JMJD1C: variants seen among roughly 807,000 people sequenced by gnomAD.
JMJD1C encodes the protein jumonji domain-containing protein 1C.
A neutral mutation model predicts 245.3 loss-of-function variants in JMJD1C; 31 were observed. The observed-to-expected ratio is 0.13, with a 90% CI of 0.09 to 0.17. The LOEUF is 0.17. Ranked by LOEUF, JMJD1C falls within the 10% of genes least tolerant of loss-of-function variation. The pLI, the probability that JMJD1C is intolerant of heterozygous loss-of-function variation, is 1.00. For synonymous variants in JMJD1C, 1,057 were observed against 1,017.4 expected (o/e 1.04, Z -0.74); for missense variants, 2,691 against 3,000.2 (o/e 0.90, Z 2.41).
chr10:63,348,536 G>A (rs960408359), intron 2 of JMJD1C, among the ~76,000 whole-genome samples: 4 of 152,148 alleles, frequency 2.6e-5, no homozygotes, highest in East Asian at 1.9e-4. Flanking sequence ...TATGCAGGTC[G>A]CCTATCTCAT....
At chr10:63,237,953 A>C (rs1260276498) in intron 3 of JMJD1C, among the ~76,000 whole-genome samples, 2 of 148,992 alleles carry the variant, frequency 1.3e-5, no homozygotes, top group African/African-American at 2.5e-5. Flanking sequence ...AGCAGATCAC[A>C]AGGTCAAAAC....
chr10:63,375,155 G>C (rs190066165), intron 2 of JMJD1C, among the ~76,000 whole-genome samples: 4 of 148,920 alleles, frequency 2.7e-5, no homozygotes, highest in Admixed American at 2.7e-4. Context: ...CTAAGCAACA[G>C]GATATGAAAT....
intron 1 of JMJD1C, among the ~76,000 whole-genome samples, chr10:63,434,635 T>C (rs1950961665): frequency 6.6e-6 from 1 of 151,868 alleles, no homozygotes; most frequent in Admixed American, 6.6e-5. Flanking sequence ...CCTAGCACTT[T>C]GGGAGGCCAA....
intron 2 of JMJD1C, among the ~76,000 whole-genome samples, chr10:63,326,911 G>T (rs1377286470): frequency 2.0e-5 from 3 of 152,110 alleles, no homozygotes; most frequent in Non-Finnish European, 1.5e-5. Flanking sequence ...CAGGGGCTGG[G>T]CATGGTGGCT....
rs755118052 is a variant in JMJD1C at position 63,213,818 on chromosome 10, A to G, written c.2349T>C (p.Thr783=). 1 of 1,614,020 alleles carries G rather than the reference A, an allele frequency of 6.2e-7. No individual in the cohort carries two copies. The part of the protein sequence containing the change: ...PLPTINTHPL[T]SGPHHAVHHP... ...GATGAACAGCATGGTGTGGACCACT[A>G]GTCAGAGGATGAGTGTTAATGGTAG... Residue 783 remains threonine, a synonymous_variant, in exon 8 of 26, where the codon ACT becomes ACC. Coordinates refer to ENST00000399262, the MANE Select transcript of JMJD1C (RefSeq NM_032776.3).
chr10:63,313,349 G>A (rs1303344461), intron 2 of JMJD1C, among the ~76,000 whole-genome samples: 1 of 152,172 alleles, frequency 6.6e-6, no homozygotes, highest in Non-Finnish European at 1.5e-5. Context: ...CTTGATTGAT[G>A]AGCATTTGTG....
intron 5 of JMJD1C, 115 bp downstream of exon 5, chr10:63,217,092 G>T: frequency 2.2e-6 from 2 of 922,938 alleles, no homozygotes; most frequent in Non-Finnish European, 3.2e-6. Context: ...AGAATTACAC[G>T]ACTAAAAACC....
chr10:63,385,022 A>T (rs563876872), intron 1 of JMJD1C, among the ~76,000 whole-genome samples: 2 of 152,266 alleles, frequency 1.3e-5, no homozygotes, highest in East Asian at 3.9e-4. Flanking sequence ...TTGAAAACAT[A>T]CAGGCAACTA....
rs1287852980 is a variant in JMJD1C at position 63,411,921 on chromosome 10, T to A, written c.169-31439A>T. Among the ~76,000 whole-genome samples, 4 of 150,106 alleles carry A rather than the reference T, an allele frequency of 2.7e-5. No homozygotes were observed. In the East Asian group the frequency reaches 7.8e-4, roughly 29 times the overall value. On this transcript the variant is annotated intron_variant, in intron 1 of 25. Coordinates refer to ENST00000399262, the MANE Select transcript of JMJD1C (RefSeq NM_032776.3). ...CCTGGCCCAATTTTTTTTTTTTTTT[T>A]TTTTTTTAAATAGAGACAAGATCTT...
At chr10:63,422,539 G>A (rs1405880805) in intron 1 of JMJD1C, among the ~76,000 whole-genome samples, 1 of 152,088 alleles carries the variant, frequency 6.6e-6, no homozygotes, top group African/African-American at 2.4e-5. Context: ...TTTCTACTCA[G>A]CCCAAGCACT....
chr10:63,295,809 C>T (rs1015234916), intron 2 of JMJD1C, among the ~76,000 whole-genome samples: 1 of 151,442 alleles, frequency 6.6e-6, no homozygotes, highest in Non-Finnish European at 1.5e-5. Flanking sequence ...CCAATGAGCC[C>T]CTTGTCACAT....
chr10:63,435,561 A>G (rs1951014452), intron 1 of JMJD1C, among the ~76,000 whole-genome samples: 1 of 152,162 alleles, frequency 6.6e-6, no homozygotes, highest in Non-Finnish European at 1.5e-5. Context: ...ACCGGCTCAC[A>G]GTGTCCCACA....
At position 63,270,574 on chromosome 10, in the gene JMJD1C, C is replaced by A. The variant is rs796990159; in HGVS notation, c.334-5810G>T. ...CTCTGGCTCCTGGGCTCGAGCGATC[C>A]TCCGACCTCAGCCTGCCATGTAGAA... is the stretch of plus-strand genomic sequence containing the variant. On this transcript the variant is annotated intron_variant, in intron 2 of 25. Transcript: ENST00000399262. Among the ~76,000 whole-genome samples, 12 of 152,172 alleles carry A rather than the reference C, an allele frequency of 7.9e-5. 1 individual carries two copies. The highest frequency in any genetic ancestry group is 2.9e-4 in the African/African-American group (12 of 41,478).
At chr10:63,420,993 C>CA (rs1266140194) in intron 1 of JMJD1C, among the ~76,000 whole-genome samples, 1 of 151,842 alleles carries the variant, frequency 6.6e-6, no homozygotes, top group Non-Finnish European at 1.5e-5. Context: ...CCCAACAAGA[C>CA]AAAAAAATGA....
intron 1 of JMJD1C, among the ~76,000 whole-genome samples, chr10:63,450,211 ATTTT>A (rs555430727): frequency 1.4e-5 from 2 of 147,700 alleles, no homozygotes; most frequent in Admixed American, 6.8e-5. Flanking sequence ...TCACAAAATA[ATTTT>A]TTTTTTTTAG....
At chr10:63,301,679 A>C (rs2133992845) in intron 2 of JMJD1C, 1 of 419,042 alleles carries the variant, frequency 2.4e-6, no homozygotes, top group South Asian at 1.7e-5. Context: ...AAGGGGAGAG[A>C]GAGCATTAGG....
intron 1 of JMJD1C, among the ~76,000 whole-genome samples, chr10:63,441,970 A>G (rs1951415665): frequency 6.6e-6 from 1 of 152,202 alleles, no homozygotes; most frequent in Non-Finnish European, 1.5e-5. Context: ...ATATTCAAGA[A>G]TATTTATATA....
rs1420442048 is a variant in JMJD1C at position 63,335,024 on chromosome 10, AAAAAAAT to A, written c.333+45287_333+45293del. ...TGCCCAGCCAAGACTCTGTCTTTGGAAAAAAATAAAAAAAAAAAAAAATATTGTTCCT... is the reference window on the plus strand; with the variant it reads ...TGCCCAGCCAAGACTCTGTCTTTGGAAAAAAAAAAAAAAAATATTGTTCCT... On this transcript the variant is annotated intron_variant, in intron 2 of 25. Transcript: ENST00000399262. Among the ~76,000 whole-genome samples the A allele has an allele frequency of 9.2e-3, 140 of 15,274 alleles. 1 individual carries two copies. The highest frequency in any genetic ancestry group is 0.038 in the African/African-American group (68 of 1,804). The allele number at this position is 15,274 out of a possible 152,430, so 10.0% of individuals were successfully genotyped here. A position where few individuals can be genotyped will look rare whatever the true frequency, so the allele number is the denominator to read the frequency against.
rs1470580755 is a variant in JMJD1C at position 63,207,686 on chromosome 10, C to A, written c.3983G>T (p.Arg1328Leu). The change falls in exon 10 of 26, where the codon CGT becomes CTT. Residue 1328 changes from arginine (R) to leucine (L), a missense_variant. Transcript: ENST00000399262. ...MPAMQLASKD[R>L]VSERSSAGAH... is the part of the protein sequence containing the mutation. ...CCCAGCTGAAGATCTTTCACTAACACGATCTTTAGAAGCTAACTGCATTGC... is the reference window on the plus strand; with the variant it reads ...CCCAGCTGAAGATCTTTCACTAACAAGATCTTTAGAAGCTAACTGCATTGC... 1 of 1,613,968 alleles carries A rather than the reference C, an allele frequency of 6.2e-7. No individual in the cohort carries two copies. Among genetic ancestry groups the A allele is most frequent in the African/African-American group, 1.3e-5 (1 of 74,916 alleles).
Sources: allele counts gnomAD v4.1 joint callset (sites outside exome capture counted in the v4.1 genomes callset), GRCh38; gene constraint gnomAD v4.1.1; transcripts MANE v1.5; gene names NCBI Gene and HGNC (gene_info 2026-07-23, HGNC 2026-07-21).